TM4SF4: variants seen among roughly 807,000 people sequenced by gnomAD.
TM4SF4 encodes the protein transmembrane 4 L6 family member 4.
Under a neutral mutation model 24.1 loss-of-function variants are expected in TM4SF4, and 24 were observed. The ratio of observed to expected loss-of-function variants is 1.00; its 90% confidence interval spans 0.72 to 1.40. The LOEUF (loss-of-function observed/expected upper bound fraction) is 1.40. Among genes scored for constraint, TM4SF4 ranks in the 40% most tolerant of loss-of-function variants. The pLI, the probability that TM4SF4 is intolerant of heterozygous loss-of-function variation, is 0.00. For synonymous variants in TM4SF4, 113 were observed against 97.0 expected (o/e 1.17, Z -0.97); for missense variants, 254 against 254.2 (o/e 1.00, Z 0.01).
intron 3 of TM4SF4, 130 bp from the exon 4 acceptor site, chr3:149,498,592 A>G: frequency 1.3e-6 from 1 of 760,606 alleles, no homozygotes; most frequent in Non-Finnish European, 2.2e-6. Flanking sequence ...TTGTTAGTAC[A>G]GAGTATTTTC....
chr3:149,485,628 C>A (rs1473234696), intron 2 of TM4SF4, among the ~76,000 whole-genome samples: 2 of 151,730 alleles, frequency 1.3e-5, no homozygotes, highest in Non-Finnish European at 2.9e-5. Flanking sequence ...GAGAAGACAG[C>A]CATAAAAAGC....
chr3:149,482,091 A>G (rs1054695380), intron 2 of TM4SF4, among the ~76,000 whole-genome samples: 4 of 152,256 alleles, frequency 2.6e-5, no homozygotes, highest in Non-Finnish European at 5.9e-5. Flanking sequence ...AGCCTATCCC[A>G]CGTGGGGATG....
intron 2 of TM4SF4, among the ~76,000 whole-genome samples, chr3:149,476,820 T>TG (rs1434734276): frequency 3.3e-5 from 4 of 121,150 alleles, no homozygotes; most frequent in Non-Finnish European, 7.3e-5. Context: ...TTTTGTTTTT[T>TG]TTTTTTTTTT....
At chr3:149,490,695 G>A (rs1014009375) in intron 3 of TM4SF4, among the ~76,000 whole-genome samples, 1 of 152,176 alleles carries the variant, frequency 6.6e-6, no homozygotes, top group Non-Finnish European at 1.5e-5. Context: ...ACTGGTATCT[G>A]ATAGTTAAAA....
At chr3:149,491,585 A>G (rs1045656307) in intron 3 of TM4SF4, among the ~76,000 whole-genome samples, 2 of 152,076 alleles carry the variant, frequency 1.3e-5, no homozygotes, top group Non-Finnish European at 2.9e-5. Context: ...ATATACACAC[A>G]CACATATATA....
At chr3:149,500,279 C>T (rs1560034350) in intron 4 of TM4SF4, among the ~76,000 whole-genome samples, 1 of 152,032 alleles carries the variant, frequency 6.6e-6, no homozygotes, top group East Asian at 1.9e-4. Flanking sequence ...GGAAATCCAA[C>T]CAAAAGTTAA....
chr3:149,501,385 A>G (rs1734422378), intron 4 of TM4SF4, among the ~76,000 whole-genome samples: 1 of 151,980 alleles, frequency 6.6e-6, no homozygotes, highest in Non-Finnish European at 1.5e-5. Flanking sequence ...TCCTCCTCCA[A>G]CTTTCTATTT....
At chr3:149,484,333 C>T (rs888500942) in intron 2 of TM4SF4, among the ~76,000 whole-genome samples, 2 of 152,056 alleles carry the variant, frequency 1.3e-5, no homozygotes, top group Non-Finnish European at 2.9e-5. Context: ...ATGATCTCCA[C>T]AATTATAAAC....
At chr3:149,477,516 C>A (rs756554825) in intron 2 of TM4SF4, among the ~76,000 whole-genome samples, 2 of 152,214 alleles carry the variant, frequency 1.3e-5, no homozygotes, top group Non-Finnish European at 2.9e-5. Context: ...TCTTTCTTAG[C>A]ATTATTTGTT....
chr3:149,501,200 G>A (rs1427647055), intron 4 of TM4SF4, among the ~76,000 whole-genome samples: 3 of 152,150 alleles, frequency 2.0e-5, no homozygotes, highest in Admixed American at 2.0e-4. Flanking sequence ...ATATTTTGGA[G>A]AACTTAATAA....
At chr3:149,498,942 G>A in intron 4 of TM4SF4, 31 bp downstream of exon 4, 1 of 1,611,138 alleles carries the variant, frequency 6.2e-7, no homozygotes, top group Non-Finnish European at 8.5e-7. Flanking sequence ...TTTCTTCTCA[G>A]CATGAGGGAG....
At chr3:149,494,394 C>T (rs1172426412) in intron 3 of TM4SF4, among the ~76,000 whole-genome samples, 1 of 152,242 alleles carries the variant, frequency 6.6e-6, no homozygotes, top group African/African-American at 2.4e-5. Flanking sequence ...CACTGCTGTG[C>T]AGGCTCTCCA....
At chr3:149,488,876 A>G (rs1489722633) in intron 3 of TM4SF4, among the ~76,000 whole-genome samples, 1 of 152,198 alleles carries the variant, frequency 6.6e-6, no homozygotes, top group Non-Finnish European at 1.5e-5. Context: ...GTGCCTAAAA[A>G]AAATCTGTAG....
At chr3:149,486,822 T>C (rs942899117) in intron 2 of TM4SF4, among the ~76,000 whole-genome samples, 3 of 152,216 alleles carry the variant, frequency 2.0e-5, no homozygotes, top group Admixed American at 6.5e-5. Flanking sequence ...AGACTTGATC[T>C]TTTTGGCCTC....
In TM4SF4 at chr3:149,487,625, A is replaced by G; in HGVS notation, c.271A>G (p.Thr91Ala). 1 of 1,613,716 alleles carries G rather than the reference A, an allele frequency of 6.2e-7. No individual in the cohort carries two copies. The highest frequency in any genetic ancestry group is 8.5e-7 in the Non-Finnish European group (1 of 1,179,822). The change falls in exon 3 of 5, where the codon ACC (threonine) becomes GCC (alanine). Residue 91 changes from threonine (T) to alanine (A), a missense_variant. Physicochemically the swap from Thr to Ala is moderately conservative, Grantham distance 58. Transcript: ENST00000305354. ...EGCGKRFAMFTSTIFAVVGFL... is the reference protein window; with the variant it reads ...EGCGKRFAMFASTIFAVVGFL... The stretch of plus-strand genomic sequence containing the variant: ...CTCTCTTCCTCTCTTTCAGATGTTC[A>G]CCTCCACGATATTTGCTGTGGTTGG...
rs538975653 is a variant in TM4SF4, at chr3:149,484,075, C to T, written c.265-3544C>T. Among the ~76,000 whole-genome samples the T allele has an allele frequency of 7.2e-5, 11 of 152,188 alleles. No individual in the cohort carries two copies. The South Asian group carries it at 8.3e-4, about 11-fold the overall frequency. On this transcript the variant is annotated intron_variant, in intron 2 of 4. Coordinates refer to ENST00000305354, the MANE Select transcript of TM4SF4 (RefSeq NM_004617.4). ...GGATTACAGGCTTGAGCCACTGTGC[C>T]GGGCCCGTTTATTTTAAAATAAATA...
chr3:149,496,567 G>A (rs951640599), intron 3 of TM4SF4, among the ~76,000 whole-genome samples: 17 of 152,066 alleles, frequency 1.1e-4, no homozygotes, highest in African/African-American at 3.1e-4. Context: ...TCGGGAGTTC[G>A]AGACCAGCCT....
intron 1 of TM4SF4, 33 bp from the exon 2 acceptor site, chr3:149,475,790 G>T: frequency 6.4e-7 from 1 of 1,571,270 alleles, no homozygotes. Flanking sequence ...TTCAACTCCT[G>T]GACTCTCTCT....
chr3:149,477,871 AT>A (rs200642084), intron 2 of TM4SF4, among the ~76,000 whole-genome samples: 20 of 150,570 alleles, frequency 1.3e-4, no homozygotes, highest in Middle Eastern at 3.4e-3. Flanking sequence ...GGAGATGAGG[AT>A]TTTTTTTTTA....
Sources: gnomAD v4.1 joint callset for allele counts (sites outside exome capture counted in the v4.1 genomes callset) on GRCh38, gnomAD v4.1.1 for gene constraint, MANE v1.5 for transcripts, NCBI Gene and HGNC (gene_info 2026-07-23, HGNC 2026-07-21) for gene names.